DNAJC12: variants seen among roughly 807,000 people sequenced by gnomAD.
DNAJC12 encodes dnaJ homolog subfamily C member 12.
DNAJC12 carries 25 observed loss-of-function variants against 28.5 expected under a neutral mutation model. The ratio of observed to expected loss-of-function variants is 0.88; its 90% CI spans 0.64 to 1.22. The LOEUF (loss-of-function observed/expected upper bound fraction) is 1.22, where lower values mean the gene tolerates loss of function less well. Among genes scored for constraint, DNAJC12 ranks in the 50% most tolerant of loss-of-function variants. The pLI, the probability that DNAJC12 is intolerant of heterozygous loss-of-function variation, is 0.00. For synonymous variants in DNAJC12, 77 were observed against 80.6 expected (o/e 0.95, Z 0.24); for missense variants, 222 against 231.7 (o/e 0.96, Z 0.27).
rs78190583 is a variant in DNAJC12 at position 67,803,812 on chromosome 10, C to T, written c.502+1771G>A. Among the ~76,000 whole-genome samples, 527 of 152,356 alleles carry T rather than the reference C, an allele frequency of 3.5e-3. 3 individuals carry two copies. The highest frequency in any genetic ancestry group is 0.012 in the African/African-American group (497 of 41,584). On this transcript the variant is annotated intron_variant, in intron 4 of 4. Coordinates refer to ENST00000225171, the MANE Select transcript of DNAJC12 (RefSeq NM_021800.3). The stretch of plus-strand genomic sequence containing the variant: ...AAACACTGTTTTTCTACACTTCAGG[C>T]TTCTCCTTTGATCAGTTTGTTAAAT...
rs139611927 is a variant in DNAJC12, at chr10:67,812,593, C to T, written c.158-930G>A. Among the ~76,000 whole-genome samples, 18 of 151,758 alleles carry T rather than the reference C, an allele frequency of 1.2e-4. No homozygotes were observed. The East Asian group carries it at 2.7e-3, about 23-fold the overall frequency. ...GTGCAGTGGCTCAGGCCTGTAATCC[C>T]GGCACTTCGGGAGGACAAGGTGGGT... On this transcript the variant is annotated intron_variant, in intron 2 of 4. Transcript: ENST00000225171.
chr10:67,801,874 C>G (rs1448639301), intron 4 of DNAJC12, among the ~76,000 whole-genome samples: 1 of 48,892 alleles, frequency 2.0e-5, no homozygotes, highest in Non-Finnish European at 3.5e-5. Context: ...TTTTTTTTGA[C>G]ACGGAGACAC....
At chr10:67,802,870 T>TGTGTGA (rs553939445) in intron 4 of DNAJC12, among the ~76,000 whole-genome samples, 32 of 147,770 alleles carry the variant, frequency 2.2e-4, no homozygotes, top group African/African-American at 7.6e-4. Context: ...TGTGTGTGTG[T>TGTGTGA]GACAGGATCT....
At chr10:67,820,044 A>G (rs1841967937) in intron 2 of DNAJC12, among the ~76,000 whole-genome samples, 1 of 152,194 alleles carries the variant, frequency 6.6e-6, no homozygotes, top group Non-Finnish European at 1.5e-5. Context: ...GGACTTCCCA[A>G]CTGATGGTCA....
intron 2 of DNAJC12, among the ~76,000 whole-genome samples, chr10:67,822,065 G>T (rs1466380083): frequency 2.0e-5 from 3 of 152,192 alleles, no homozygotes; most frequent in African/African-American, 7.2e-5. Flanking sequence ...TTAAGATGGG[G>T]AGTGAGAACT....
At chr10:67,824,954 C>T (rs1382562386) in intron 1 of DNAJC12, among the ~76,000 whole-genome samples, 1 of 151,966 alleles carries the variant, frequency 6.6e-6, no homozygotes, top group African/African-American at 2.4e-5. Context: ...AGGCTGGTCT[C>T]AAACTCCTAA....
intron 1 of DNAJC12, among the ~76,000 whole-genome samples, chr10:67,829,450 C>T (rs1329090366): frequency 6.6e-6 from 1 of 152,058 alleles, no homozygotes; most frequent in African/African-American, 2.4e-5. Context: ...ACCATCCTGG[C>T]TAAAACAGTG....
At chr10:67,817,901 A>G (rs567057389) in intron 2 of DNAJC12, among the ~76,000 whole-genome samples, 14 of 151,688 alleles carry the variant, frequency 9.2e-5, no homozygotes, top group South Asian at 8.3e-4. Context: ...AAAATAAAAA[A>G]AGAGATTTTG....
Position 67,807,021 on chromosome 10 carries a change from G to C in DNAJC12, c.298-1234C>G, listed in dbSNP as rs530378260. 3.9e-5 allele frequency among the ~76,000 whole-genome samples: 6 copies of C among 152,160 alleles called. No individual in the cohort carries two copies. The East Asian group carries it at 1.2e-3, about 29-fold the overall frequency. The stretch of plus-strand genomic sequence containing the variant: ...CTCACACCTTAATCCCAGCACTCTG[G>C]GAGGCCTAGGTGGATGGATCACAAG... On this transcript the variant is annotated intron_variant, in intron 3 of 4. Transcript: ENST00000225171.
intron 1 of DNAJC12, among the ~76,000 whole-genome samples, chr10:67,836,367 G>T (rs1239645737): frequency 3.1e-5 from 3 of 96,418 alleles, no homozygotes; most frequent in Admixed American, 2.2e-4. Flanking sequence ...AAGTAAAATT[G>T]AAAAAAAAAA....
chr10:67,814,727 G>A (rs372121413), intron 2 of DNAJC12, among the ~76,000 whole-genome samples: 19 of 152,222 alleles, frequency 1.2e-4, no homozygotes, highest in African/African-American at 4.3e-4. Flanking sequence ...CTCCAAAGAA[G>A]ATATACAAAT....
At chr10:67,800,796 T>A (rs1033836927) in intron 4 of DNAJC12, among the ~76,000 whole-genome samples, 1 of 151,952 alleles carries the variant, frequency 6.6e-6, no homozygotes, top group Non-Finnish European at 1.5e-5. Flanking sequence ...ACACAAAAAA[T>A]TAGCCGGGCA....
At chr10:67,825,779 T>C (rs1482256719) in intron 1 of DNAJC12, among the ~76,000 whole-genome samples, 1 of 151,592 alleles carries the variant, frequency 6.6e-6, no homozygotes, top group Non-Finnish European at 1.5e-5. Context: ...ATTATTTTCT[T>C]TGTTAAACTT....
At chr10:67,826,859 T>C (rs1006068606) in intron 1 of DNAJC12, among the ~76,000 whole-genome samples, 2 of 135,202 alleles carry the variant, frequency 1.5e-5, no homozygotes, top group Non-Finnish European at 3.1e-5. Flanking sequence ...ATATATTATA[T>C]CTATTATATC....
At chr10:67,802,523 C>A (rs955339273) in intron 4 of DNAJC12, among the ~76,000 whole-genome samples, 1 of 152,074 alleles carries the variant, frequency 6.6e-6, no homozygotes, top group African/African-American at 2.4e-5. Context: ...CTAATAAAAC[C>A]CCCAACATTT....
rs1841792521 is a variant in DNAJC12 at position 67,805,641 on chromosome 10, C to G, written c.444G>C (p.Glu148Asp). 1 of 1,613,472 alleles carries G rather than the reference C, an allele frequency of 6.2e-7. No homozygotes were observed. Among genetic ancestry groups the G allele is most frequent in the African/African-American group, 1.3e-5 (1 of 74,988 alleles). Residue 148 changes from glutamate (E) to aspartate (D), a missense_variant, in exon 4 of 5, where the codon GAG becomes GAC. Physicochemically the swap from Glu to Asp is conservative, Grantham distance 45. Coordinates refer to ENST00000225171, the MANE Select transcript of DNAJC12 (RefSeq NM_021800.3). The stretch of plus-strand genomic sequence containing the variant: ...TCTCTAGGGGCTTGGGTTCTTTCTG[C>G]TCCGTTTTCTCTGCGGTTGAAGCCA... ...EELASTAEKT[E>D]QKEPKPLEKS...
chr10:67,823,307 T>C lies in DNAJC12; in HGVS notation c.157+7A>G. ...TTCTTGAGAAGTAGCCTTTATTAAG[T>C]TCTTACCAGCTTTGGGGTTTTCAGG... On this transcript the variant is annotated splice_region_variant and intron_variant, in intron 2 of 4. Transcript: ENST00000225171. 6.8e-6 allele frequency: 11 copies of C among 1,613,450 alleles called. No individual in the cohort carries two copies. Among genetic ancestry groups the C allele is most frequent in the Non-Finnish European group, 9.3e-6 (11 of 1,179,394 alleles).
chr10:67,821,724 G>A (rs1302147584), intron 2 of DNAJC12, among the ~76,000 whole-genome samples: 1 of 152,144 alleles, frequency 6.6e-6, no homozygotes, highest in African/African-American at 2.4e-5. Context: ...CTTAAAGAAT[G>A]CTGTAGCAAT....
chr10:67,797,817 G>T (rs1269090113), intron 4 of DNAJC12, among the ~76,000 whole-genome samples: 1 of 151,946 alleles, frequency 6.6e-6, no homozygotes, highest in Non-Finnish European at 1.5e-5. Context: ...AAGGCGGGCG[G>T]ATCACGAGGT....
Sources: gnomAD v4.1 joint callset for allele counts (sites outside exome capture counted in the v4.1 genomes callset) on GRCh38, gnomAD v4.1.1 for gene constraint, MANE v1.5 for transcripts, NCBI Gene and HGNC (gene_info 2026-07-23, HGNC 2026-07-21) for gene names.